The following BICD1 variants were observed in gnomAD, a reference collection of about 807,000 sequenced individuals.
The protein encoded by BICD1 is protein bicaudal D homolog 1.
Under a neutral mutation model 92.5 loss-of-function variants are expected in BICD1, and 35 were observed. The ratio of observed to expected loss-of-function variants is 0.38; its 90% CI spans 0.29 to 0.50. The LOEUF (loss-of-function observed/expected upper bound fraction) is 0.50. BICD1 is among the 20% of genes least tolerant of loss of function. The probability of loss-of-function intolerance (pLI) is 0.93; values close to 1 mark genes in which losing one functional copy is unlikely to be tolerated. For missense variants in BICD1, 950 were observed against 1,189.8 expected, an observed-to-expected ratio of 0.80 and a Z score of 2.97; for synonymous variants, 429 against 465.1, an observed-to-expected ratio of 0.92 and a Z score of 1.00.
chr12:32,359,358 TGAG>T (rs1215823443), intron 8 of BICD1, among the ~76,000 whole-genome samples: 2 of 152,108 alleles, frequency 1.3e-5, no homozygotes, highest in Non-Finnish European at 2.9e-5. Context: ...TTATGGAGGC[TGAG>T]AAGTCCAAGG....
intron 4 of BICD1, among the ~76,000 whole-genome samples, chr12:32,324,964 T>C (rs749926655): frequency 6.6e-6 from 1 of 152,112 alleles, no homozygotes; most frequent in African/African-American, 2.4e-5. Flanking sequence ...CAAACAGCAT[T>C]AGTGTCAACA....
At chr12:32,202,619 T>G (rs1944938782) in intron 1 of BICD1, among the ~76,000 whole-genome samples, 2 of 152,190 alleles carry the variant, frequency 1.3e-5, no homozygotes, top group Admixed American at 6.5e-5. Context: ...ATTTATTTAT[T>G]ATTATTTTGG....
intron 1 of BICD1, among the ~76,000 whole-genome samples, chr12:32,182,278 C>CTT (rs759328721): frequency 0.013 from 1,044 of 81,366 alleles, 56 homozygotes; most frequent in African/African-American, 0.017. Context: ...TTCTTTCTTT[C>CTT]TTTTTTTTTT....
chr12:32,266,861 A>C (rs918480957), intron 2 of BICD1, among the ~76,000 whole-genome samples: 1 of 151,802 alleles, frequency 6.6e-6, no homozygotes, highest in African/African-American at 2.4e-5. Context: ...CTGTCTCAAA[A>C]AAAAAAAAAA....
chr12:32,318,474 ATTGTGAATGGGAG>A (rs1948564080), intron 4 of BICD1, among the ~76,000 whole-genome samples: 1 of 152,116 alleles, frequency 6.6e-6, no homozygotes, highest in Non-Finnish European at 1.5e-5. Flanking sequence ...CTTTGAAGCA[ATTGTGAATGGGAG>A]TTCACTCATG....
intron 2 of BICD1, among the ~76,000 whole-genome samples, chr12:32,232,298 T>C (rs1267303923): frequency 6.6e-6 from 1 of 150,586 alleles, no homozygotes; most frequent in African/African-American, 2.4e-5. Flanking sequence ...TGTGAGATGG[T>C]ATCTCACTGT....
intron 2 of BICD1, among the ~76,000 whole-genome samples, chr12:32,218,911 G>T (rs1032159690): frequency 6.6e-6 from 1 of 152,100 alleles, no homozygotes; most frequent in African/African-American, 2.4e-5. Flanking sequence ...TTAACATTTA[G>T]AGCTAACATA....
chr12:32,220,646 G>A (rs1012940423), intron 2 of BICD1, among the ~76,000 whole-genome samples: 1 of 149,064 alleles, frequency 6.7e-6, no homozygotes, highest in Non-Finnish European at 1.5e-5. Context: ...ACTGTTGGTG[G>A]GACTGTAAAC....
At chr12:32,189,496 G>T (rs1034618444) in intron 1 of BICD1, among the ~76,000 whole-genome samples, 1 of 152,136 alleles carries the variant, frequency 6.6e-6, no homozygotes, top group Non-Finnish European at 1.5e-5. Flanking sequence ...TGTGCAGAAG[G>T]TTAAGGGTTA....
chr12:32,284,468 CAT>C (rs748119237), intron 2 of BICD1, among the ~76,000 whole-genome samples: 7 of 152,152 alleles, frequency 4.6e-5, no homozygotes, highest in Non-Finnish European at 8.8e-5. Context: ...TGTATTATCA[CAT>C]CAGTCAGCGA....
At chr12:32,160,521 T>A (rs1943567397) in intron 1 of BICD1, among the ~76,000 whole-genome samples, 4 of 152,032 alleles carry the variant, frequency 2.6e-5, no homozygotes, top group African/African-American at 7.2e-5. Context: ...TAATGGAGCC[T>A]CAATACAGTC....
chr12:32,323,382 C>T (rs946111726), intron 4 of BICD1, among the ~76,000 whole-genome samples: 1 of 152,140 alleles, frequency 6.6e-6, no homozygotes, highest in African/African-American at 2.4e-5. Context: ...CATTGTAGAA[C>T]CTTCAGTATT....
At position 32,305,840 on chromosome 12, in the gene BICD1, A is replaced by G; in HGVS notation, c.723A>G (p.Glu241=). 6.2e-7 allele frequency: 1 copy of G among 1,614,220 alleles called. No individual in the cohort carries two copies. Among genetic ancestry groups the G allele is most frequent in the Non-Finnish European group, 8.5e-7 (1 of 1,180,030 alleles). Residue 241 remains glutamate, a synonymous_variant, in exon 4 of 10, where the codon GAA becomes GAG. Transcript: ENST00000652176. ...LEEALETLKN[E]REQKNNLRKE... ...AAGCCCTCGAGACTTTAAAAAATGA[A>G]AGAGAGCAAAAGAACAACCTGCGGA...
chr12:32,212,833 T>G (rs746794216), intron 1 of BICD1, among the ~76,000 whole-genome samples: 3 of 152,232 alleles, frequency 2.0e-5, no homozygotes, highest in Non-Finnish European at 2.9e-5. Flanking sequence ...CCTTATGTTC[T>G]TATATAACTC....
At chr12:32,213,074 C>T (rs1367028133) in intron 1 of BICD1, among the ~76,000 whole-genome samples, 2 of 152,182 alleles carry the variant, frequency 1.3e-5, no homozygotes, top group African/African-American at 4.8e-5. Flanking sequence ...GACGTTGATA[C>T]AATAGCATCA....
At chr12:32,120,422 A>G (rs1942100624) in intron 1 of BICD1, among the ~76,000 whole-genome samples, 1 of 152,200 alleles carries the variant, frequency 6.6e-6, no homozygotes. Flanking sequence ...GTTCTGTTGC[A>G]GTTTGGCGTG....
intron 4 of BICD1, among the ~76,000 whole-genome samples, chr12:32,316,367 T>C (rs1948500730): frequency 6.6e-6 from 1 of 151,882 alleles, no homozygotes; most frequent in African/African-American, 2.4e-5. Flanking sequence ...CTTGGCTCCC[T>C]GCAACCTCCA....
chr12:32,257,449 T>A (rs1946750824), intron 2 of BICD1, among the ~76,000 whole-genome samples: 1 of 152,174 alleles, frequency 6.6e-6, no homozygotes. Context: ...CATATCTCTT[T>A]GGAGACTTCA....
At chr12:32,138,589 C>CT (rs1294750810) in intron 1 of BICD1, among the ~76,000 whole-genome samples, 1 of 152,046 alleles carries the variant, frequency 6.6e-6, no homozygotes, top group Non-Finnish European at 1.5e-5. Flanking sequence ...CTGTTTTTCA[C>CT]TTTCAGTACA....
Sources: gnomAD v4.1 joint callset for allele counts (sites outside exome capture counted in the v4.1 genomes callset) on GRCh38, gnomAD v4.1.1 for gene constraint, MANE v1.5 for transcripts, NCBI Gene and HGNC (gene_info 2026-07-23, HGNC 2026-07-21) for gene names.